Variants in CUL4B observed in about 807,000 individuals in gnomAD.
The protein encoded by CUL4B is cullin-4B.
A neutral mutation model predicts 69.2 loss-of-function variants in CUL4B; 1 was observed. The ratio of observed to expected loss-of-function variants is 0.01; its 90% CI spans 0.01 to 0.07. The LOEUF (loss-of-function observed/expected upper bound fraction) is 0.07. Ranked by LOEUF, CUL4B falls within the 10% of genes least tolerant of loss-of-function variation. The pLI, the probability that CUL4B is intolerant of heterozygous loss-of-function variation, is 1.00. For missense variants in CUL4B, 328 were observed against 638.8 expected (o/e 0.51, Z 5.24); for synonymous variants, 237 against 223.2 (o/e 1.06, Z -0.55).
chrX:120,538,528 C>G, intron 13 of CUL4B, 132 bp downstream of exon 13: 1 of 511,463 alleles, frequency 2.0e-6, no homozygotes, highest in Non-Finnish European at 3.3e-6. Flanking sequence ...ACCTCAGGAG[C>G]TTGCTCAATT....
chrX:120,539,419 A>G (rs755941543), intron 11 of CUL4B, 47 bp from the exon 12 acceptor site: 78 of 765,542 alleles, frequency 1.0e-4, no homozygotes, highest in Non-Finnish European at 1.5e-4. Context: ...GGAATACACG[A>G]GGTACTGGGC....
chrX:120,544,131 AT>A lies in CUL4B; in HGVS notation c.1155del (p.Lys385AsnfsTer2). 1.7e-6 allele frequency: 2 copies of A among 1,193,049 alleles called. No individual in the cohort carries two copies. Among genetic ancestry groups the A allele is most frequent in the African/African-American group, 1.7e-5 (1 of 57,482 alleles). ...TTAAATACCTCTCTTTCTTGCATTA[AT>A]TTTTGGCCTTCAGCTGCATAGAGCC... ...TNRLYAAEGQ[K>X]LMQEREVPEY... is the part of the protein sequence containing the mutation. On this transcript the variant is annotated frameshift_variant, in exon 7 of 20. Transcript: ENST00000371322. LOFTEE classifies it high-confidence loss of function.
At chrX:120,574,917 T>G (rs1925826097) in intron 1 of CUL4B, among the ~76,000 whole-genome samples, 1 of 112,390 alleles carries the variant, frequency 8.9e-6, no homozygotes, top group African/African-American at 3.2e-5. Flanking sequence ...CATGCCATTT[T>G]AAATTACAAT....
At chrX:120,528,123 T>G (rs1178292848) in intron 19 of CUL4B, among the ~76,000 whole-genome samples, 2 of 111,803 alleles carry the variant, frequency 1.8e-5, no homozygotes, top group East Asian at 5.6e-4. Flanking sequence ...AATCACTATT[T>G]AGACCGGGTG....
upstream of CUL4B, among the ~76,000 whole-genome samples, chrX:120,561,736 A>G (rs928220364): frequency 9.1e-6 from 1 of 110,002 alleles, no homozygotes; most frequent in Non-Finnish European, 1.9e-5. Flanking sequence ...AAGAATAAGG[A>G]GTGGTTGCAA....
chrX:120,573,825 T>C (rs1471106691), intron 2 of CUL4B, among the ~76,000 whole-genome samples: 2 of 112,061 alleles, frequency 1.8e-5, no homozygotes, highest in African/African-American at 3.2e-5. Context: ...TTCCTTTTCT[T>C]TTTTCTTTTC....
At chrX:120,565,029 C>T (rs1381888975), upstream of CUL4B, among the ~76,000 whole-genome samples, 1 of 112,464 alleles carries the variant, frequency 8.9e-6, no homozygotes, top group Non-Finnish European at 1.9e-5. Flanking sequence ...CAAACAAAGA[C>T]AGGGAGCTAG....
chrX:120,548,271 T>C (rs984492366), intron 2 of CUL4B, among the ~76,000 whole-genome samples: 2 of 110,922 alleles, frequency 1.8e-5, no homozygotes, highest in South Asian at 3.8e-4. Flanking sequence ...AGACCTTGTC[T>C]CAAAAATAAA....
Position 120,560,796 on chromosome X carries a change from C to G in CUL4B, c.-158G>C. 3 of 957,825 alleles carry G rather than the reference C, an allele frequency of 3.1e-6. No homozygotes were observed. Among genetic ancestry groups the G allele is most frequent in the Admixed American group, 5.4e-5 (1 of 18,648 alleles). The allele number at this position is 957,825 out of a possible 1,213,427, so 78.9% of individuals were successfully genotyped here. A position where few individuals can be genotyped will look rare whatever the true frequency, so the allele number is the denominator to read the frequency against. On this transcript the variant is annotated 5_prime_UTR_variant, in exon 1 of 20. Coordinates refer to ENST00000371322, the MANE Select transcript of CUL4B (RefSeq NM_001079872.2). ...AAGGAAAGTGAAGGGGGGGGCTACA[C>G]CGGGGGAATGGGAGGGTTTGGGAAG...
At chrX:120,532,032 G>A (rs192937702) in intron 18 of CUL4B, among the ~76,000 whole-genome samples, 38 of 111,419 alleles carry the variant, frequency 3.4e-4, no homozygotes, top group Non-Finnish European at 6.0e-4. Flanking sequence ...GTTTCAAAGA[G>A]GTTTCTTGCA....
At chrX:120,537,146 C>G in intron 14 of CUL4B, 112 bp from the exon 15 acceptor site, 1 of 569,156 alleles carries the variant, frequency 1.8e-6, no homozygotes, top group East Asian at 3.5e-5. Flanking sequence ...CACTGACCAT[C>G]CTTAAAATAA....
intron 9 of CUL4B, 41 bp downstream of exon 9, chrX:120,542,925 C>CTAGTGG: frequency 9.9e-7 from 1 of 1,008,549 alleles, no homozygotes; most frequent in Middle Eastern, 2.6e-4. Flanking sequence ...TTTGCCACTA[C>CTAGTGG]CATTTAAAAA....
At chrX:120,567,745 G>A (rs1346944250), downstream of CUL4B, among the ~76,000 whole-genome samples, 1 of 106,431 alleles carries the variant, frequency 9.4e-6, no homozygotes, top group East Asian at 3.0e-4. Flanking sequence ...TTAGCTGTAT[G>A]TGCTGGCATA....
At chrX:120,536,041 T>C in intron 15 of CUL4B, 98 bp from the exon 16 acceptor site, 1 of 612,426 alleles carries the variant, frequency 1.6e-6, no homozygotes, top group Non-Finnish European at 2.8e-6. Context: ...CTGGAAAATT[T>C]TAAGACTATA....
downstream of CUL4B, among the ~76,000 whole-genome samples, chrX:120,570,597 G>A (rs755326544): frequency 1.5e-4 from 17 of 112,101 alleles, no homozygotes; most frequent in Non-Finnish European, 2.8e-4. Flanking sequence ...TGGCACAAAG[G>A]AGAAAGTGAT....
At chrX:120,561,444 G>C (rs750672501), upstream of CUL4B, 1 of 541,220 alleles carries the variant, frequency 1.8e-6, no homozygotes, top group Non-Finnish European at 3.4e-6. Context: ...ACTTGAGTGG[G>C]GGGGGGAAGG....
At chrX:120,537,115 T>G in intron 14 of CUL4B, 81 bp from the exon 15 acceptor site, 1 of 716,075 alleles carries the variant, frequency 1.4e-6, no homozygotes, top group Non-Finnish European at 2.2e-6. Flanking sequence ...AGAAGTTCCC[T>G]GTTATGAAAT....
rs747399004 is a variant in CUL4B, at chrX:120,560,655, A to C, written c.-17T>G. 5 of 1,196,253 alleles carry C rather than the reference A, an allele frequency of 4.2e-6. No homozygotes were observed. In the South Asian group the frequency reaches 8.9e-5, roughly 21 times the overall value. On this transcript the variant is annotated 5_prime_UTR_variant, in exon 1 of 20. Coordinates refer to ENST00000371322, the MANE Select transcript of CUL4B (RefSeq NM_001079872.2). ...TGGAAACATGAAAATAGCGGGGTCA[A>C]CAGGCAGAGGAGCATCAAAAACCTA...
At chrX:120,544,677 T>G in intron 5 of CUL4B, 34 bp from the exon 6 acceptor site, 1 of 1,121,350 alleles carries the variant, frequency 8.9e-7, no homozygotes, top group East Asian at 3.0e-5. Flanking sequence ...CTAAATTAAT[T>G]GACAATACCA....
Sources: gnomAD v4.1 joint callset for allele counts (sites outside exome capture counted in the v4.1 genomes callset) on GRCh38, gnomAD v4.1.1 for gene constraint, MANE v1.5 for transcripts, NCBI Gene and HGNC (gene_info 2026-07-23, HGNC 2026-07-21) for gene names.